Variants in NBEA observed in about 807,000 individuals in gnomAD.
The protein encoded by NBEA is lysosomal-trafficking regulator 2.
Under a neutral mutation model 343.4 loss-of-function variants are expected in NBEA, and 44 were observed. The ratio of observed to expected loss-of-function variants is 0.13; its 90% CI spans 0.10 to 0.16. NBEA has a LOEUF of 0.16. Ranked by LOEUF, NBEA falls within the 10% of genes least tolerant of loss-of-function variation. NBEA has a pLI of 1.00. For synonymous variants in NBEA, 1,175 were observed against 1,238.7 expected (o/e 0.95, Z 1.08); for missense variants, 2,555 against 3,631.3 (o/e 0.70, Z 7.62).
chr13:35,190,430 G>A (rs1013931872), intron 30 of NBEA, among the ~76,000 whole-genome samples: 5 of 152,078 alleles, frequency 3.3e-5, no homozygotes, highest in African/African-American at 7.2e-5. Context: ...CTAAGAGAGA[G>A]TTTTAAACCA....
At chr13:35,423,265 G>C (rs1416012835) in intron 38 of NBEA, among the ~76,000 whole-genome samples, 1 of 152,130 alleles carries the variant, frequency 6.6e-6, no homozygotes, top group African/African-American at 2.4e-5. Flanking sequence ...TTTTCTTTTA[G>C]GGATTTTATG....
At chr13:35,371,732 C>T (rs1451018766) in intron 38 of NBEA, among the ~76,000 whole-genome samples, 1 of 152,088 alleles carries the variant, frequency 6.6e-6, no homozygotes, top group Non-Finnish European at 1.5e-5. Context: ...ATAATTGATG[C>T]TACTTCTAAT....
intron 34 of NBEA, among the ~76,000 whole-genome samples, chr13:35,246,028 C>A (rs898533329): frequency 1.3e-5 from 2 of 152,012 alleles, no homozygotes; most frequent in Admixed American, 1.3e-4. Flanking sequence ...ATTTCAAAAA[C>A]CTTATCTTCA....
intron 35 of NBEA, among the ~76,000 whole-genome samples, chr13:35,301,032 C>A (rs953396105): frequency 6.6e-6 from 1 of 152,098 alleles, no homozygotes; most frequent in African/African-American, 2.4e-5. Context: ...ACATGCAATC[C>A]TAACATTTTC....
intron 38 of NBEA, among the ~76,000 whole-genome samples, chr13:35,406,611 G>A (rs767895222): frequency 1.3e-5 from 2 of 152,004 alleles, no homozygotes; most frequent in Admixed American, 6.6e-5. Flanking sequence ...AATTCCATCC[G>A]GGTTTCAGTC....
rs912624326 is a variant in NBEA, at chr13:35,671,921, C to T, written c.*930C>T. ...ATCTCTTCCAGAGTTATCCCACTGG[C>T]TTGGTGTGTATACATTAGGGGAGGA... On this transcript the variant is annotated 3_prime_UTR_variant, in exon 59 of 59. Coordinates refer to ENST00000379939, the MANE Select transcript of NBEA (RefSeq NM_001385012.1). 6.6e-6 allele frequency: 1 copy of T among 152,376 alleles called. No homozygotes were observed. The highest frequency in any genetic ancestry group is 2.4e-5 in the African/African-American group (1 of 41,440). 9.4% of individuals were successfully genotyped at this position (152,376 alleles called of 1,614,324 possible).
intron 33 of NBEA, among the ~76,000 whole-genome samples, 175 bp downstream of exon 33, chr13:35,211,354 C>T (rs796286240): frequency 1.3e-5 from 2 of 152,088 alleles, no homozygotes; most frequent in Non-Finnish European, 2.9e-5. Context: ...TGATATATTT[C>T]GATCTAAGCA....
chr13:35,530,636 CAT>C (rs2078215757), intron 41 of NBEA, among the ~76,000 whole-genome samples: 1 of 152,164 alleles, frequency 6.6e-6, no homozygotes, highest in African/African-American at 2.4e-5. Flanking sequence ...AAAATCCTAA[CAT>C]AGTCTTCCCA....
intron 40 of NBEA, among the ~76,000 whole-genome samples, chr13:35,462,885 A>G (rs2152953240): frequency 6.6e-6 from 1 of 152,332 alleles, no homozygotes; most frequent in Middle Eastern, 3.4e-3. Context: ...GAGGTGGTCT[A>G]GAAGCTATTA....
intron 17 of NBEA, among the ~76,000 whole-genome samples, chr13:35,137,471 A>G (rs2067806444): frequency 6.6e-6 from 1 of 151,426 alleles, no homozygotes; most frequent in African/African-American, 2.4e-5. Flanking sequence ...AAAGCCCTTC[A>G]TGTGGTAAAG....
chr13:35,535,560 A>T (rs959143874), intron 41 of NBEA, among the ~76,000 whole-genome samples: 3 of 152,080 alleles, frequency 2.0e-5, no homozygotes, highest in African/African-American at 7.2e-5. Flanking sequence ...GTAGGGGAGG[A>T]TCGTGAATTC....
intron 41 of NBEA, among the ~76,000 whole-genome samples, chr13:35,535,514 C>G (rs562122031): frequency 1.3e-5 from 2 of 152,072 alleles, no homozygotes; most frequent in Non-Finnish European, 2.9e-5. Flanking sequence ...AGAGACTGCT[C>G]CCATCACTCC....
chr13:35,213,183 A>G (rs897873725), intron 33 of NBEA, among the ~76,000 whole-genome samples: 1 of 152,052 alleles, frequency 6.6e-6, no homozygotes, highest in African/African-American at 2.4e-5. Context: ...TAGGAGTAAT[A>G]GGTATACGAA....
At chr13:35,455,073 A>G (rs1284171739) in intron 40 of NBEA, among the ~76,000 whole-genome samples, 1 of 151,996 alleles carries the variant, frequency 6.6e-6, no homozygotes, top group African/African-American at 2.4e-5. Flanking sequence ...TAGTATGAGA[A>G]ATGTACTTTC....
At chr13:35,324,353 G>A (rs966420559) in intron 36 of NBEA, among the ~76,000 whole-genome samples, 11 of 152,132 alleles carry the variant, frequency 7.2e-5, no homozygotes, top group African/African-American at 1.4e-4. Flanking sequence ...ATAAGAACAC[G>A]TAACTGATTT....
intron 56 of NBEA, among the ~76,000 whole-genome samples, chr13:35,665,627 G>GGTTTT (rs2085314908): frequency 6.6e-6 from 1 of 152,024 alleles, no homozygotes; most frequent in South Asian, 2.1e-4. Flanking sequence ...GTTCTTTGGA[G>GGTTTT]GTTTTGTTTT....
At position 34,942,775 on chromosome 13, in the gene NBEA, C is replaced by A. The variant is rs2059067938; in HGVS notation, c.-46C>A. On this transcript the variant is annotated 5_prime_UTR_variant, in exon 1 of 59. Coordinates refer to ENST00000379939, the MANE Select transcript of NBEA (RefSeq NM_001385012.1). ...GCCGAGGCAGGTATAACGGTACCGGCGGCGGCAGCGCCGCTGCTCTTCCCT... is the reference window on the plus strand; with the variant it reads ...GCCGAGGCAGGTATAACGGTACCGGAGGCGGCAGCGCCGCTGCTCTTCCCT... The A allele has an allele frequency of 1.1e-5, 14 of 1,299,722 alleles. No homozygotes were observed. The highest frequency in any genetic ancestry group is 1.4e-5 in the Non-Finnish European group (14 of 1,022,558). 80.5% of individuals were successfully genotyped at this position (1,299,722 alleles called of 1,614,324 possible).
At chr13:35,068,431 A>G (rs2063736770) in intron 8 of NBEA, among the ~76,000 whole-genome samples, 1 of 152,186 alleles carries the variant, frequency 6.6e-6, no homozygotes, top group South Asian at 2.1e-4. Flanking sequence ...ATGTTTCAGC[A>G]GTGGTAAATT....
chr13:35,448,763 G>A (rs1157027959), intron 39 of NBEA, among the ~76,000 whole-genome samples: 1 of 150,210 alleles, frequency 6.7e-6, no homozygotes, highest in Non-Finnish European at 1.5e-5. Context: ...AGAAGGGAAT[G>A]GGGTGGTGGG....
Sources: gnomAD v4.1 joint callset for allele counts (sites outside exome capture counted in the v4.1 genomes callset) on GRCh38, gnomAD v4.1.1 for gene constraint, MANE v1.5 for transcripts, NCBI Gene and HGNC (gene_info 2026-07-23, HGNC 2026-07-21) for gene names.